KDM3A: variants seen among roughly 807,000 people sequenced by gnomAD.
The protein encoded by KDM3A is lysine demethylase 3A.
KDM3A carries 60 observed loss-of-function variants against 158.0 expected under a neutral mutation model. The observed-to-expected ratio is 0.38, with a 90% CI of 0.31 to 0.47. The LOEUF (loss-of-function observed/expected upper bound fraction) is 0.47, where lower values mean the gene tolerates loss of function less well. KDM3A is among the 20% of genes least tolerant of loss of function. The pLI, the probability that KDM3A is intolerant of heterozygous loss-of-function variation, is 0.99. For synonymous variants in KDM3A, 608 were observed against 549.3 expected, an observed-to-expected ratio of 1.11 and a Z score of -1.49; for missense variants, 1,319 against 1,574.3, an observed-to-expected ratio of 0.84 and a Z score of 2.74.
In KDM3A at chr2:86,466,623, C is replaced by A; in HGVS notation, c.1259C>A (p.Thr420Lys). The A allele has an allele frequency of 6.2e-7, 1 of 1,613,976 alleles. No homozygotes were observed. Among genetic ancestry groups the A allele is most frequent in the Non-Finnish European group, 8.5e-7 (1 of 1,179,898 alleles). ...LTGLPKECLP[T>K]KASSKAELEI... ...GGCCTTCCTAAGGAGTGCTTACCTA[C>A]AAAGGCTTCTTCTAAGGCAGAATTG... is the stretch of plus-strand genomic sequence containing the variant. The change falls in exon 10 of 26, where the codon ACA (threonine) becomes AAA (lysine). Residue 420 changes from threonine to lysine, a missense_variant. This residue lies in a region of KDM3A where 652 missense variants were observed against 627.2 expected (regional missense o/e 1.04). Transcript: ENST00000312912.
At chr2:86,467,934 G>A (rs1673230003) in intron 10 of KDM3A, among the ~76,000 whole-genome samples, 1 of 152,132 alleles carries the variant, frequency 6.6e-6, no homozygotes, top group South Asian at 2.1e-4. Flanking sequence ...GCTGAGGCAG[G>A]GGGGTTGCTT....
chr2:86,446,665 G>A (rs1019451070), intron 2 of KDM3A, among the ~76,000 whole-genome samples: 4 of 152,150 alleles, frequency 2.6e-5, no homozygotes, highest in South Asian at 2.1e-4. Flanking sequence ...AGCTGAGATC[G>A]CGCCACTACA....
chr2:86,467,965 G>A (rs1225024804), intron 10 of KDM3A, among the ~76,000 whole-genome samples: 1 of 152,198 alleles, frequency 6.6e-6, no homozygotes, highest in African/African-American at 2.4e-5. Flanking sequence ...GTTGGAGGCT[G>A]CGGTGAGTTA....
At chr2:86,451,515 T>TTTAA (rs1390955739) in intron 4 of KDM3A, among the ~76,000 whole-genome samples, 37 of 152,296 alleles carry the variant, frequency 2.4e-4, no homozygotes, top group Admixed American at 9.8e-4. Context: ...GCAGAATACA[T>TTTAA]TTAGTATTCA....
chr2:86,464,113 C>CT lies in KDM3A; in HGVS notation c.906dup (p.Gly303TrpfsTer9). ...TACAACAGTTTTTAAGGAGATACTG[C>CT]TTGGCTGTACTGCGGCAACTCCACC... is the stretch of plus-strand genomic sequence containing the variant. On this transcript the variant is annotated frameshift_variant, in exon 9 of 26. Coordinates refer to ENST00000312912, the MANE Select transcript of KDM3A (RefSeq NM_018433.6). LOFTEE classifies it high-confidence loss of function. 6.2e-7 allele frequency: 1 copy of CT among 1,612,792 alleles called. No individual in the cohort carries two copies. Among genetic ancestry groups the CT allele is most frequent in the Non-Finnish European group, 8.5e-7 (1 of 1,179,118 alleles).
intron 3 of KDM3A, 24 bp from the exon 4 acceptor site, chr2:86,451,079 C>G (rs1672442023): frequency 6.7e-7 from 1 of 1,497,488 alleles, no homozygotes; most frequent in African/African-American, 1.4e-5. Context: ...AGTTATGATG[C>G]TAAAGTGTTT....
intron 2 of KDM3A, chr2:86,443,089 A>G (rs1374136647): frequency 2.6e-5 from 4 of 152,224 alleles, no homozygotes; most frequent in African/African-American, 9.7e-5. Flanking sequence ...CATTGTACCA[A>G]CAAAGACTCC....
chr2:86,455,219 G>A (rs1335211838), intron 5 of KDM3A, 32 bp downstream of exon 5: 7 of 1,159,212 alleles, frequency 6.0e-6, no homozygotes, highest in Admixed American at 4.2e-5. Flanking sequence ...GATAGTTCAC[G>A]AGTTGACCAA....
chr2:86,457,097 T>A, intron 8 of KDM3A, 26 bp downstream of exon 8: 1 of 1,183,962 alleles, frequency 8.4e-7, no homozygotes, highest in South Asian at 2.0e-5. Context: ...GTCACTTGTG[T>A]AAAGCTTTCC....
chr2:86,480,081 G>A, intron 15 of KDM3A, 86 bp from the exon 16 acceptor site: 1 of 1,030,726 alleles, frequency 9.7e-7, no homozygotes, highest in Admixed American at 2.0e-5. Flanking sequence ...TATCTTACTT[G>A]TTGGTCGGCT....
intron 2 of KDM3A, among the ~76,000 whole-genome samples, chr2:86,444,318 C>T (rs1277214014): frequency 6.6e-6 from 1 of 152,174 alleles, no homozygotes; most frequent in Non-Finnish European, 1.5e-5. Flanking sequence ...ATGTCAAAAA[C>T]AATTTTGGCT....
chr2:86,451,150 T>C lies in KDM3A; in HGVS notation c.390T>C (p.Ser130=), dbSNP rs756538332. ...LDKAGLGSIT[S]VRFLGDQQRV... The stretch of plus-strand genomic sequence containing the variant: ...AAGCTGGTTTGGGATCCATAACTTC[T>C]GTTCGCTTTCTGGGAGATCAACAAA... Residue 130 remains serine, a synonymous_variant, in exon 4 of 26, where the codon TCT becomes TCC. Transcript: ENST00000312912. 6.2e-7 allele frequency: 1 copy of C among 1,612,422 alleles called. No homozygotes were observed. The highest frequency in any genetic ancestry group is 2.2e-5 in the East Asian group (1 of 44,830).
upstream of KDM3A, among the ~76,000 whole-genome samples, chr2:86,438,503 C>T (rs1048847421): frequency 4.0e-5 from 6 of 151,688 alleles, no homozygotes; most frequent in Admixed American, 2.6e-4. Flanking sequence ...AGTGTTCTCA[C>T]CACACAAAAA....
rs750861460 is a variant in KDM3A, at chr2:86,482,085, A to G, written c.2668A>G (p.Asn890Asp). The G allele has an allele frequency of 3.1e-6, 5 of 1,613,938 alleles. No individual in the cohort carries two copies. Among genetic ancestry groups the G allele is most frequent in the Non-Finnish European group, 4.2e-6 (5 of 1,179,938 alleles). ...TTCTGGTTTCCTCCGGAATCTCTTG[A>G]ATTCTTCTACAGGAAAGGTATGTGT... is the stretch of plus-strand genomic sequence containing the variant. Reference protein sequence around the residue: ...NNSGFLRNLLNSSTGKTENGL... With the variant: ...NNSGFLRNLLDSSTGKTENGL... Residue 890 changes from asparagine (N) to aspartate (D), a missense_variant, in exon 17 of 26, where the codon AAT becomes GAT. By Grantham distance (23) the Asn-to-Asp change is conservative (BLOSUM62 1). Coordinates refer to ENST00000312912, the MANE Select transcript of KDM3A (RefSeq NM_018433.6).
chr2:86,485,773 G>A lies in KDM3A; in HGVS notation c.3227G>A (p.Arg1076Lys). Residue 1076 changes from arginine to lysine, a missense_variant, in exon 21 of 26, where the codon AGG becomes AAG. By Grantham distance (26) the Arg-to-Lys change is conservative (BLOSUM62 2). This residue lies in a region of KDM3A where 186 missense variants were observed against 340.9 expected (regional missense o/e 0.55). Transcript: ENST00000312912. ...MANIPLPEYT[R>K]RDGKLNLASR... ...AACATTCCACTGCCCGAGTACACAA[G>A]GCGAGATGGCAAACTGAATTTGGCC... 1 of 1,614,128 alleles carries A rather than the reference G, an allele frequency of 6.2e-7. No homozygotes were observed. Among genetic ancestry groups the A allele is most frequent in the Non-Finnish European group, 8.5e-7 (1 of 1,180,002 alleles).
intron 2 of KDM3A, among the ~76,000 whole-genome samples, chr2:86,445,877 T>C (rs1237923768): frequency 2.0e-5 from 3 of 152,132 alleles, no homozygotes; most frequent in Non-Finnish European, 4.4e-5. Context: ...CTTTGTGGAG[T>C]AGTGAATTAA....
chr2:86,455,036 C>T lies in KDM3A; in HGVS notation c.454-49C>T. On this transcript the variant is annotated intron_variant, in intron 4 of 25. Coordinates refer to ENST00000312912, the MANE Select transcript of KDM3A (RefSeq NM_018433.6). ...ATAGCCCACTGGAATTTAAATAACT[C>T]TTCTTATTAACTGTTACCCTTAACA... The T allele has an allele frequency of 3.6e-6, 4 of 1,103,494 alleles. 1 individual carries two copies. The East Asian group carries it at 7.6e-5, about 21-fold the overall frequency. 68.4% of individuals were successfully genotyped at this position (1,103,494 alleles called of 1,614,324 possible). A position where few individuals can be genotyped will look rare whatever the true frequency, so the allele number is the denominator to read the frequency against.
intron 25 of KDM3A, 159 bp from the exon 26 acceptor site, chr2:86,491,880 G>A: frequency 1.7e-6 from 1 of 601,354 alleles, no homozygotes; most frequent in South Asian, 2.0e-5. Context: ...ATACTGGTCT[G>A]AAGGAGCCCA....
intron 4 of KDM3A, among the ~76,000 whole-genome samples, chr2:86,453,005 A>G (rs1235275864): frequency 6.6e-6 from 1 of 152,090 alleles, no homozygotes; most frequent in African/African-American, 2.4e-5. Flanking sequence ...GGTTGTGGAT[A>G]TTTTGCTTTA....
Sources: allele counts gnomAD v4.1 joint callset (sites outside exome capture counted in the v4.1 genomes callset), GRCh38; gene constraint gnomAD v4.1.1; regional missense constraint gnomAD v4.1.1; transcripts MANE v1.5; gene names NCBI Gene and HGNC (gene_info 2026-07-23, HGNC 2026-07-21).